HTRA1: variants seen among roughly 807,000 people sequenced by gnomAD.
HTRA1 encodes HtrA serine peptidase 1.
A neutral mutation model predicts 49.7 loss-of-function variants in HTRA1; 26 were observed. That is an observed-to-expected ratio of 0.52 (90% CI 0.38 to 0.73). The LOEUF is 0.73. HTRA1 is among the 30% of genes least tolerant of loss of function. HTRA1 has a pLI of 0.00. For synonymous variants in HTRA1, 291 were observed against 286.9 expected, an observed-to-expected ratio of 1.01 and a Z score of -0.14; for missense variants, 561 against 667.2, an observed-to-expected ratio of 0.84 and a Z score of 1.75.
chr10:122,499,792 T>C (rs576113215), intron 3 of HTRA1, among the ~76,000 whole-genome samples: 5 of 152,378 alleles, frequency 3.3e-5, no homozygotes, highest in African/African-American at 1.2e-4. Flanking sequence ...TTAGCATAAC[T>C]GTTTCCAGAA....
In HTRA1 at chr10:122,487,275, G is replaced by A. The variant is rs191885480; in HGVS notation, c.473-1627G>A. 1.3e-5 allele frequency among the ~76,000 whole-genome samples: 2 copies of A among 152,298 alleles called. No homozygotes were observed. Among genetic ancestry groups the A allele is most frequent in the African/African-American group, 4.8e-5 (2 of 41,582 alleles). ...GTGCATGGCTCTCAGCTGCAGACCA[G>A]CCTGGAACCTCTCCAGCCTGCTTTA... On this transcript the variant is annotated intron_variant, in intron 1 of 8. Transcript: ENST00000368984. The surrounding 1 kb of genome is among the most constrained non-coding windows in gnomAD (Gnocchi z 4.8).
intron 3 of HTRA1, among the ~76,000 whole-genome samples, chr10:122,500,969 C>G (rs1344859776): frequency 3.3e-5 from 5 of 152,198 alleles, no homozygotes; most frequent in Non-Finnish European, 5.9e-5. Flanking sequence ...ATCCGGGGCA[C>G]AAGGGCAGCT....
At chr10:122,507,969 A>G (rs189100748) in intron 5 of HTRA1, among the ~76,000 whole-genome samples, 169 of 150,258 alleles carry the variant, frequency 1.1e-3, no homozygotes, top group African/African-American at 4.1e-3. Context: ...CTCTGGGGCC[A>G]TTTATAGAGG....
chr10:122,489,743 GC>G, intron 3 of HTRA1, 117 bp downstream of exon 3: 1 of 955,026 alleles, frequency 1.0e-6, no homozygotes, highest in South Asian at 1.4e-5. Flanking sequence ...GCCAGTCTGA[GC>G]CAGTCACAGG....
chr10:122,508,612 T>A, intron 5 of HTRA1, 44 bp from the exon 6 acceptor site: 1 of 1,264,228 alleles, frequency 7.9e-7, no homozygotes, highest in Non-Finnish European at 1.2e-6. Flanking sequence ...TACCTGCCGG[T>A]AAAGCTTCAC....
At chr10:122,505,632 G>T (rs1298588922) in intron 3 of HTRA1, among the ~76,000 whole-genome samples, 1 of 152,168 alleles carries the variant, frequency 6.6e-6, no homozygotes, top group East Asian at 1.9e-4. Flanking sequence ...GGTTCCACCT[G>T]CCCCACCCCA....
intron 3 of HTRA1, among the ~76,000 whole-genome samples, chr10:122,502,020 A>T (rs1486288342): frequency 1.5e-5 from 2 of 133,860 alleles, no homozygotes; most frequent in Admixed American, 1.6e-4. Flanking sequence ...AAACACCCTA[A>T]TTGATACACA....
At chr10:122,513,816 C>T (rs985706943) in intron 8 of HTRA1, among the ~76,000 whole-genome samples, 30 of 151,926 alleles carry the variant, frequency 2.0e-4, no homozygotes, top group Admixed American at 9.8e-4. Flanking sequence ...GCAACCTCCA[C>T]CTCCTGGGTT....
intron 1 of HTRA1, among the ~76,000 whole-genome samples, chr10:122,477,015 T>C (rs1030443512): frequency 6.7e-5 from 10 of 148,788 alleles, no homozygotes; most frequent in Non-Finnish European, 1.3e-4. Flanking sequence ...TCACCCAGGC[T>C]GGAGTGCACT....
chr10:122,500,397 C>T (rs959936257), intron 3 of HTRA1, among the ~76,000 whole-genome samples: 2 of 152,140 alleles, frequency 1.3e-5, no homozygotes, highest in South Asian at 2.1e-4. Context: ...CCAGGTTTTC[C>T]GTAAAGAATA....
rs1157325681 is a variant in HTRA1, at chr10:122,489,489, C to A, written c.640C>A (p.Leu214Met). The A allele has an allele frequency of 6.2e-7, 1 of 1,614,076 alleles. No individual in the cohort carries two copies. The highest frequency in any genetic ancestry group is 2.2e-5 in the East Asian group (1 of 44,888). Reference protein sequence around the residue: ...GSGFIVSEDGLIVTNAHVVTN... With the variant: ...GSGFIVSEDGMIVTNAHVVTN... ...TGGGTTTATTGTGTCGGAAGATGGA[C>A]TGATCGTGACAAATGCCCACGTGGT... The change falls in exon 3 of 9, where the codon CTG (leucine) becomes ATG (methionine). Residue 214 changes from leucine (L) to methionine (M), a missense_variant. Physicochemically the swap from Leu to Met is conservative, Grantham distance 15. Transcript: ENST00000368984.
rs1402936000 is a variant in HTRA1 at position 122,489,033 on chromosome 10, C to A, written c.572+32C>A. ...AGAGCCTTCCTTTTTCCTATAACCT[C>A]CGAAGCTTTCACCGCCACTAGCAAA... On this transcript the variant is annotated intron_variant, in intron 2 of 8. Coordinates refer to ENST00000368984, the MANE Select transcript of HTRA1 (RefSeq NM_002775.5). 6.0e-6 allele frequency: 9 copies of A among 1,502,276 alleles called. No individual in the cohort carries two copies. The East Asian group carries it at 2.0e-4, about 34-fold the overall frequency. The allele number at this position is 1,502,276 out of a possible 1,614,324, so 93.1% of individuals were successfully genotyped here. A position where few individuals can be genotyped will look rare whatever the true frequency, so the allele number is the denominator to read the frequency against.
At chr10:122,476,951 C>T (rs976191140) in intron 1 of HTRA1, among the ~76,000 whole-genome samples, 1 of 150,006 alleles carries the variant, frequency 6.7e-6, no homozygotes. Context: ...AGCAAGTAGC[C>T]TCTTTATAGT....
At chr10:122,502,928 G>A (rs763720) in intron 3 of HTRA1, among the ~76,000 whole-genome samples, 23,256 of 152,228 alleles carry the variant, frequency 0.15, 2,315 homozygotes, top group East Asian at 0.3. Flanking sequence ...TGGGACTCGC[G>A]TGCCCTCTTT....
chr10:122,511,624 TC>T (rs2097505610), intron 7 of HTRA1, among the ~76,000 whole-genome samples: 1 of 151,690 alleles, frequency 6.6e-6, no homozygotes, highest in Admixed American at 6.6e-5. Context: ...TCCCAGCTAC[TC>T]GGGTGGCTGA....
chr10:122,496,098 C>T lies in HTRA1; in HGVS notation c.777+6472C>T, dbSNP rs190177972. Reference sequence around the variant, plus strand: ...TGGCAGGCAATTAACACCTTGTCCTCGAGGAGCTGAAAGTGGCTGGAGGCA... The same window carrying T: ...TGGCAGGCAATTAACACCTTGTCCTTGAGGAGCTGAAAGTGGCTGGAGGCA... On this transcript the variant is annotated intron_variant, in intron 3 of 8. Transcript: ENST00000368984. 4.8e-4 allele frequency among the ~76,000 whole-genome samples: 73 copies of T among 152,122 alleles called. No homozygotes were observed. In the East Asian group the frequency reaches 8.5e-3, roughly 18 times the overall value.
Position 122,514,581 on chromosome 10 carries a change from T to C in HTRA1, c.*222T>C. 2 of 558,084 alleles carry C rather than the reference T, an allele frequency of 3.6e-6. No individual in the cohort carries two copies. Among genetic ancestry groups the C allele is most frequent in the Non-Finnish European group, 6.5e-6 (2 of 309,892 alleles). 34.6% of individuals were successfully genotyped at this position (558,084 alleles called of 1,614,324 possible). Reference sequence around the variant, plus strand: ...AGAAGCTCTGCCCTTCTGTATCCTATGTATGCAGTGTGCTTTTTCTTGCCA... The same window carrying C: ...AGAAGCTCTGCCCTTCTGTATCCTACGTATGCAGTGTGCTTTTTCTTGCCA... On this transcript the variant is annotated 3_prime_UTR_variant, in exon 9 of 9. Coordinates refer to ENST00000368984, the MANE Select transcript of HTRA1 (RefSeq NM_002775.5).
rs1280558946 is a variant in HTRA1, at chr10:122,494,781, G to A, written c.777+5155G>A. Among the ~76,000 whole-genome samples the A allele has an allele frequency of 6.6e-6, 1 of 152,178 alleles. No individual in the cohort carries two copies. The highest frequency in any genetic ancestry group is 1.9e-4 in the East Asian group (1 of 5,182). ...TCCTCTTACTGCTGAGCTGGCTGGTGCAGTGAGAAGGAAGGCCGACACCCC... is the reference window on the plus strand; with the variant it reads ...TCCTCTTACTGCTGAGCTGGCTGGTACAGTGAGAAGGAAGGCCGACACCCC... On this transcript the variant is annotated intron_variant, in intron 3 of 8. Transcript: ENST00000368984. This position sits in a 1 kb window ranked among gnomAD's most constrained non-coding sequence, Gnocchi z 4.0.
At chr10:122,472,419 C>T (rs774050026) in intron 1 of HTRA1, among the ~76,000 whole-genome samples, 1 of 143,588 alleles carries the variant, frequency 7.0e-6, no homozygotes, top group Non-Finnish European at 1.5e-5. Context: ...TATTTTGAGA[C>T]AGGGTCTTGC....
Sources: allele counts gnomAD v4.1 joint callset (sites outside exome capture counted in the v4.1 genomes callset), GRCh38; gene constraint gnomAD v4.1.1; non-coding constraint Gnocchi (gnomAD v3.1); transcripts MANE v1.5; gene names NCBI Gene and HGNC (gene_info 2026-07-23, HGNC 2026-07-21).